The following USP20 variants were observed in gnomAD, a reference collection of about 807,000 sequenced individuals.
The protein encoded by USP20 is ubiquitin carboxyl-terminal hydrolase 20.
In USP20, 80 loss-of-function variants were observed where a neutral mutation model predicts 124.2. The ratio of observed to expected loss-of-function variants is 0.64; its 90% CI spans 0.54 to 0.78. The LOEUF is 0.78. Among genes scored for constraint, USP20 ranks in the 30% least tolerant of loss-of-function variants. The pLI is 0.00. For synonymous variants in USP20, 481 were observed against 512.3 expected (o/e 0.94, Z 0.83); for missense variants, 1,043 against 1,244.4 (o/e 0.84, Z 2.44).
At chr9:129,848,277 CAA>C (rs1273869328) in intron 1 of USP20, among the ~76,000 whole-genome samples, 5 of 151,808 alleles carry the variant, frequency 3.3e-5, no homozygotes, top group East Asian at 1.9e-4. Flanking sequence ...GCCTAGGCAA[CAA>C]GAGCGAAACT....
chr9:129,863,858 T>A (rs2417153), intron 9 of USP20, among the ~76,000 whole-genome samples: 133,268 of 151,938 alleles, frequency 0.88, 58,832 homozygotes, highest in East Asian at 1. Context: ...CTGTAATCCC[T>A]GCACTTTGAG....
intron 3 of USP20, 92 bp from the exon 4 acceptor site, chr9:129,856,215 G>C (rs1000850325): frequency 9.2e-5 from 121 of 1,318,882 alleles, no homozygotes; most frequent in Non-Finnish European, 1.2e-4. Flanking sequence ...ATGTCAGCCA[G>C]GTGGGGCCCT....
At chr9:129,867,287 C>T (rs556069825) in intron 10 of USP20, among the ~76,000 whole-genome samples, 37 of 152,284 alleles carry the variant, frequency 2.4e-4, no homozygotes, top group African/African-American at 8.4e-4. Context: ...CGCCTCTGCC[C>T]GAGCCCCTGC....
intron 2 of USP20, among the ~76,000 whole-genome samples, chr9:129,850,590 T>C (rs923650426): frequency 6.6e-6 from 1 of 152,122 alleles, no homozygotes; most frequent in Non-Finnish European, 1.5e-5. Context: ...AGGAGGAGTC[T>C]GGGGGTCCAC....
At chr9:129,864,511 C>G (rs1453599625) in intron 9 of USP20, among the ~76,000 whole-genome samples, 1 of 147,278 alleles carries the variant, frequency 6.8e-6, no homozygotes, top group Non-Finnish European at 1.5e-5. Flanking sequence ...TGCAGTGGCT[C>G]ACTCCTGTAA....
At chr9:129,870,064 G>A (rs1401477866) in intron 14 of USP20, 20 of 618,172 alleles carry the variant, frequency 3.2e-5, no homozygotes, top group South Asian at 3.0e-4. Flanking sequence ...GCTGGAGGGC[G>A]ATGGACAGCA....
At chr9:129,851,258 C>CTTTTTTTTTT (rs35791819) in intron 2 of USP20, among the ~76,000 whole-genome samples, 6 of 126,212 alleles carry the variant, frequency 4.8e-5, no homozygotes, top group African/African-American at 1.9e-4. Flanking sequence ...ATAACACATA[C>CTTTTTTTTTT]TTTTTTTTTT....
chr9:129,865,614 G>A (rs1047584711), intron 10 of USP20, among the ~76,000 whole-genome samples: 8 of 152,184 alleles, frequency 5.3e-5, no homozygotes, highest in African/African-American at 1.2e-4. Context: ...TTCAGGGGCC[G>A]AGCCACTTGC....
intron 1 of USP20, among the ~76,000 whole-genome samples, chr9:129,847,249 C>T (rs1166373962): frequency 2.0e-5 from 3 of 151,894 alleles, no homozygotes; most frequent in Non-Finnish European, 4.4e-5. Context: ...ACATTCCCAC[C>T]AACAGTGCAC....
intron 1 of USP20, among the ~76,000 whole-genome samples, chr9:129,845,815 A>T (rs2032506513): frequency 6.6e-6 from 1 of 152,224 alleles, no homozygotes; most frequent in South Asian, 2.1e-4. Context: ...AATAAAAATC[A>T]CTTGACTCTA....
intron 22 of USP20, among the ~76,000 whole-genome samples, chr9:129,877,261 G>A (rs2034448118): frequency 6.6e-6 from 1 of 152,254 alleles, no homozygotes; most frequent in South Asian, 2.1e-4. Flanking sequence ...GCTCACGCCT[G>A]TGATCCCAGC....
At chr9:129,835,712 C>G (rs1212210026) in intron 1 of USP20, 2 of 153,128 alleles carry the variant, frequency 1.3e-5, no homozygotes, top group South Asian at 1.9e-4. Context: ...AGCACCACCC[C>G]ACTCTGAGCT....
chr9:129,852,470 A>T, intron 2 of USP20, 70 bp from the exon 3 acceptor site: 1 of 1,407,998 alleles, frequency 7.1e-7, no homozygotes, highest in Admixed American at 2.0e-5. Flanking sequence ...CATGTACTTA[A>T]CCACTCACCT....
At chr9:129,846,120 G>A (rs1400709053) in intron 1 of USP20, among the ~76,000 whole-genome samples, 2 of 150,498 alleles carry the variant, frequency 1.3e-5, no homozygotes, top group Admixed American at 6.7e-5. Flanking sequence ...TAGTAGAGAC[G>A]GGGTCTCACC....
At chr9:129,865,736 C>G (rs2033791166) in intron 10 of USP20, among the ~76,000 whole-genome samples, 1 of 152,110 alleles carries the variant, frequency 6.6e-6, no homozygotes, top group African/African-American at 2.4e-5. Flanking sequence ...GCAGTCATGG[C>G]TTACTGCACC....
chr9:129,855,183 G>A (rs990544014), intron 3 of USP20, among the ~76,000 whole-genome samples: 12 of 152,216 alleles, frequency 7.9e-5, no homozygotes, highest in African/African-American at 2.9e-4. Flanking sequence ...TGTAATCCCA[G>A]CACTTTGGGA....
intron 1 of USP20, among the ~76,000 whole-genome samples, chr9:129,849,167 T>C (rs1564199046): frequency 6.6e-6 from 1 of 152,120 alleles, no homozygotes. Context: ...GATGGGACAA[T>C]AGGAGAGGCC....
chr9:129,878,313 C>T (rs1206066591), intron 22 of USP20, 25 bp from the exon 23 acceptor site: 2 of 1,552,964 alleles, frequency 1.3e-6, no homozygotes, highest in Admixed American at 1.9e-5. Context: ...CCCTCTGTCT[C>T]CTCCCGTCCC....
rs372872905 is a variant in USP20 at position 129,874,654 on chromosome 9, C to A, written c.1819C>A (p.Leu607Ile). 9 of 1,613,842 alleles carry A rather than the reference C, an allele frequency of 5.6e-6. No individual in the cohort carries two copies. Among genetic ancestry groups the A allele is most frequent in the East Asian group, 2.2e-5 (1 of 44,874 alleles). ...FKINSHVSFPLEGLDLRPFLA... is the reference protein window; with the variant it reads ...FKINSHVSFPIEGLDLRPFLA... ...GATCAACAGCCACGTCTCCTTCCCC[C>A]TCGAGGGGCTCGACCTGCGCCCCTT... Residue 607 changes from leucine (L) to isoleucine (I), a missense_variant, in exon 18 of 26, where the codon CTC becomes ATC. Physicochemically the swap from Leu to Ile is conservative, Grantham distance 5 (BLOSUM62 2). Coordinates refer to ENST00000372429, the MANE Select transcript of USP20 (RefSeq NM_001110303.4).
Sources: allele counts gnomAD v4.1 joint callset (sites outside exome capture counted in the v4.1 genomes callset), GRCh38; gene constraint gnomAD v4.1.1; transcripts MANE v1.5; gene names NCBI Gene and HGNC (gene_info 2026-07-23, HGNC 2026-07-21).